MYH15: variants seen among roughly 807,000 people sequenced by gnomAD.
MYH15 encodes the protein myosin-15.
A neutral mutation model predicts 240.5 loss-of-function variants in MYH15; 227 were observed. The ratio of observed to expected loss-of-function variants is 0.94; its 90% CI spans 0.85 to 1.05. The LOEUF is 1.05. Ranked by LOEUF, MYH15 falls within the 50% of genes least tolerant of loss-of-function variation. The pLI, the probability that MYH15 is intolerant of heterozygous loss-of-function variation, is 0.00. For missense variants in MYH15, 2,217 were observed against 2,247.5 expected, an observed-to-expected ratio of 0.99 and a Z score of 0.27; for synonymous variants, 785 against 796.7, an observed-to-expected ratio of 0.99 and a Z score of 0.25.
chr3:108,381,536 C>T lies in MYH15; in HGVS notation c.*9G>A, dbSNP rs915033240. 2.5e-6 allele frequency: 4 copies of T among 1,613,808 alleles called. No homozygotes were observed. The highest frequency in any genetic ancestry group is 3.4e-6 in the Non-Finnish European group (4 of 1,179,720). On this transcript the variant is annotated 3_prime_UTR_variant, in exon 41 of 41. Transcript: ENST00000693548. The stretch of plus-strand genomic sequence containing the variant: ...TTCTCCAGCTGTTGTCCTTTCAAAG[C>T]AGGGGATGCTATTCTTCTTGAACCT...
intron 38 of MYH15, among the ~76,000 whole-genome samples, chr3:108,388,314 G>C (rs1004216651): frequency 2.0e-5 from 3 of 152,178 alleles, no homozygotes; most frequent in Admixed American, 6.5e-5. Flanking sequence ...GAAGGAAAAG[G>C]GAAGCAATGG....
At chr3:108,465,201 TTAGA>T (rs1391218176) in intron 14 of MYH15, among the ~76,000 whole-genome samples, 1 of 152,184 alleles carries the variant, frequency 6.6e-6, no homozygotes, top group Non-Finnish European at 1.5e-5. Context: ...TAAGGAGGTT[TTAGA>T]TAGAGTCATT....
intron 20 of MYH15, among the ~76,000 whole-genome samples, chr3:108,455,286 A>C (rs1473834947): frequency 1.3e-5 from 2 of 152,198 alleles, no homozygotes; most frequent in Non-Finnish European, 2.9e-5. Flanking sequence ...GTTTTGGATT[A>C]ATTTTTTGAT....
chr3:108,545,684 A>AAT, the MYH15 span, among the ~76,000 whole-genome samples: 1 of 137,738 alleles, frequency 7.3e-6, no homozygotes, highest in African/African-American at 2.8e-5. Context: ...CACTGTTTCT[A>AAT]ATATACACAT....
chr3:108,532,010 G>C (rs2107281688), upstream of MYH15, among the ~76,000 whole-genome samples: 1 of 152,164 alleles, frequency 6.6e-6, no homozygotes, highest in East Asian at 1.9e-4. Flanking sequence ...CTTAGAATAA[G>C]TAATTTTTAG....
At chr3:108,471,556 T>G (rs1423973200) in intron 12 of MYH15, among the ~76,000 whole-genome samples, 1 of 152,186 alleles carries the variant, frequency 6.6e-6, no homozygotes, top group Non-Finnish European at 1.5e-5. Context: ...TCTGATTAAA[T>G]TCCTTATCCC....
At chr3:108,460,982 C>CA (rs2083067161) in intron 16 of MYH15, among the ~76,000 whole-genome samples, 1 of 152,038 alleles carries the variant, frequency 6.6e-6, no homozygotes, top group Admixed American at 6.6e-5. Context: ...TTTTTAGCAA[C>CA]ATTCATGTAT....
rs2082745261 is a variant in MYH15 at position 108,428,529 on chromosome 3, T to C, written c.3665A>G (p.Asp1222Gly). The C allele has an allele frequency of 3.1e-6, 5 of 1,613,914 alleles. No individual in the cohort carries two copies. The highest frequency in any genetic ancestry group is 4.2e-6 in the Non-Finnish European group (5 of 1,179,984). The change falls in exon 27 of 41, where the codon GAC (aspartate) becomes GGC (glycine). Residue 1222 changes from aspartate to glycine, a missense_variant. Physicochemically the swap from Asp to Gly is moderately conservative, Grantham distance 94. Coordinates refer to ENST00000693548, the MANE Select transcript of MYH15 (RefSeq NM_014981.3). ...CATCTGCTCAACACGGGTCAGGAGG[T>C]CATCTACTTCTAGCTGCAAGTCACT... ...DKSDLQLEVD[D>G]LLTRVEQMTR...
At chr3:108,458,117 C>T (rs1340120620) in intron 18 of MYH15, among the ~76,000 whole-genome samples, 1 of 152,148 alleles carries the variant, frequency 6.6e-6, no homozygotes, top group Non-Finnish European at 1.5e-5. Flanking sequence ...ATCAGACTCA[C>T]TCATTCTCTT....
At chr3:108,474,235 G>T (rs2083200905) in intron 12 of MYH15, among the ~76,000 whole-genome samples, 1 of 151,482 alleles carries the variant, frequency 6.6e-6, no homozygotes, top group Non-Finnish European at 1.5e-5. Context: ...AAAAAAAAAA[G>T]CCTTAGAGCA....
chr3:108,424,447 T>A (rs1428045543), intron 27 of MYH15, among the ~76,000 whole-genome samples: 3 of 152,240 alleles, frequency 2.0e-5, no homozygotes, highest in Non-Finnish European at 4.4e-5. Flanking sequence ...AAAGAATTTT[T>A]AATTTAAGCA....
chr3:108,460,332 C>T lies in MYH15; in HGVS notation c.1900G>A (p.Ala634Thr). The change falls in exon 17 of 41, where the codon GCT becomes ACT. Residue 634 changes from alanine (A) to threonine (T), a missense_variant. Transcript: ENST00000693548. ...PFGEKKRKKGASFQTVASLHK... is the reference protein window; with the variant it reads ...PFGEKKRKKGTSFQTVASLHK... ...AGAGATGCAACCGTTTGGAATGAAG[C>T]TCCTTTCTTTCGTTTCTTCTCCCCA... 4 of 1,602,396 alleles carry T rather than the reference C, an allele frequency of 2.5e-6. No homozygotes were observed. Among genetic ancestry groups the T allele is most frequent in the Non-Finnish European group, 3.4e-6 (4 of 1,174,730 alleles).
At chr3:108,497,160 A>G in intron 6 of MYH15, among the ~76,000 whole-genome samples, 1 of 109,906 alleles carries the variant, frequency 9.1e-6, no homozygotes, top group African/African-American at 3.8e-5. Context: ...GACTCCGTAA[A>G]AAAAAAAAAA....
chr3:108,501,039 G>T (rs1460517210), intron 3 of MYH15, among the ~76,000 whole-genome samples: 2 of 152,192 alleles, frequency 1.3e-5, no homozygotes, highest in African/African-American at 4.8e-5. Context: ...CATTGTAAGA[G>T]AATAATTTCT....
chr3:108,516,455 A>G (rs554333036), intron 1 of MYH15, among the ~76,000 whole-genome samples: 107 of 152,334 alleles, frequency 7.0e-4, no homozygotes, highest in African/African-American at 2.5e-3. Context: ...ACAAGCTGAA[A>G]CATATGTCTT....
intron 1 of MYH15, among the ~76,000 whole-genome samples, chr3:108,527,134 G>C (rs1378604931): frequency 6.6e-6 from 1 of 152,116 alleles, no homozygotes; most frequent in Admixed American, 6.6e-5. Context: ...GATGGGGCCT[G>C]AGAAGTTGCA....
the MYH15 span, among the ~76,000 whole-genome samples, chr3:108,544,207 T>C: frequency 5.3e-5 from 8 of 152,160 alleles, no homozygotes; most frequent in African/African-American, 1.9e-4. Flanking sequence ...TTTTTGAATT[T>C]TGTACCACGT....
intron 1 of MYH15, among the ~76,000 whole-genome samples, chr3:108,527,279 C>A (rs2107275674): frequency 6.6e-6 from 1 of 152,218 alleles, no homozygotes; most frequent in East Asian, 1.9e-4. Flanking sequence ...TTAGTGAATT[C>A]TCATCAGATC....
At chr3:108,495,667 CA>C in intron 7 of MYH15, 112 bp downstream of exon 7, 1 of 619,892 alleles carries the variant, frequency 1.6e-6, no homozygotes, top group Non-Finnish European at 2.6e-6. Context: ...AGACTTTAAT[CA>C]AAGACCTTCT....
Sources: allele counts gnomAD v4.1 joint callset (sites outside exome capture counted in the v4.1 genomes callset), GRCh38; gene constraint gnomAD v4.1.1; transcripts MANE v1.5; gene names NCBI Gene and HGNC (gene_info 2026-07-23, HGNC 2026-07-21).